LYPLA1: variants seen among roughly 807,000 people sequenced by gnomAD.
LYPLA1 encodes the protein lysophospholipase 1.
In LYPLA1, 17 loss-of-function variants were observed where a neutral mutation model predicts 34.0. That is an observed-to-expected ratio of 0.50 (90% confidence interval 0.34 to 0.75). The LOEUF (loss-of-function observed/expected upper bound fraction) is 0.75. LYPLA1 is among the 30% of genes least tolerant of loss of function. LYPLA1 has a pLI of 0.01. For missense variants in LYPLA1, 203 were observed against 288.8 expected, an observed-to-expected ratio of 0.70 and a Z score of 2.15; for synonymous variants, 98 against 100.8, an observed-to-expected ratio of 0.97 and a Z score of 0.17.
chr8:54,085,751 C>T (rs1022784450), intron 2 of LYPLA1, among the ~76,000 whole-genome samples: 1 of 141,012 alleles, frequency 7.1e-6, no homozygotes, highest in African/African-American at 2.6e-5. Flanking sequence ...GCCAGCCGCC[C>T]CGTCAGTTAG....
chr8:54,074,619 T>C (rs1426310608), intron 2 of LYPLA1, among the ~76,000 whole-genome samples: 6 of 152,346 alleles, frequency 3.9e-5, no homozygotes, highest in Middle Eastern at 3.4e-3. Flanking sequence ...ATTTAACCCA[T>C]GTTAATGCCT....
chr8:54,062,489 C>CTATTTATT (rs200422693), intron 4 of LYPLA1, among the ~76,000 whole-genome samples, 165 bp from the exon 5 acceptor site: 20,425 of 148,900 alleles, frequency 0.14, 1,834 homozygotes, highest in East Asian at 0.45. Flanking sequence ...CGAAGTCTCA[C>CTATTTATT]TATTTATTTA....
intron 2 of LYPLA1, among the ~76,000 whole-genome samples, chr8:54,083,613 G>A (rs1360158483): frequency 1.3e-5 from 2 of 152,178 alleles, no homozygotes; most frequent in African/African-American, 4.8e-5. Flanking sequence ...ACTCTAGGAT[G>A]AAAATTAACT....
chr8:54,064,829 A>AG (rs1463521972), intron 3 of LYPLA1, among the ~76,000 whole-genome samples: 1 of 152,204 alleles, frequency 6.6e-6, no homozygotes, highest in Admixed American at 6.5e-5. Context: ...CACTAACAAT[A>AG]GCTGATGAGG....
At chr8:54,070,679 C>T (rs2129340171) in intron 2 of LYPLA1, among the ~76,000 whole-genome samples, 1 of 152,238 alleles carries the variant, frequency 6.6e-6, no homozygotes, top group East Asian at 1.9e-4. Flanking sequence ...GCTGAGATCA[C>T]ACCACTGTAC....
intron 2 of LYPLA1, among the ~76,000 whole-genome samples, chr8:54,076,623 C>T (rs570367295): frequency 2.6e-5 from 4 of 152,270 alleles, no homozygotes; most frequent in Non-Finnish European, 4.4e-5. Context: ...CTAATGCTCA[C>T]GCTGGAAGGT....
chr8:54,077,457 T>C (rs962065161), intron 2 of LYPLA1, among the ~76,000 whole-genome samples: 6 of 152,182 alleles, frequency 3.9e-5, no homozygotes, highest in Non-Finnish European at 8.8e-5. Flanking sequence ...GCAGTTTACC[T>C]TGCAGATGTA....
At chr8:54,069,006 T>C (rs570258126) in intron 2 of LYPLA1, among the ~76,000 whole-genome samples, 2 of 152,196 alleles carry the variant, frequency 1.3e-5, no homozygotes, top group East Asian at 3.9e-4. Context: ...GCAAAAGACT[T>C]GATGAGATGT....
intron 2 of LYPLA1, 73 bp from the exon 3 acceptor site, chr8:54,065,886 G>A (rs1472643284): frequency 1.0e-6 from 1 of 958,646 alleles, no homozygotes; most frequent in African/African-American, 1.6e-5. Flanking sequence ...CAGAAGAGTA[G>A]CTTTAAAAAA....
chr8:54,045,497 A>G (rs905896772), downstream of LYPLA1: 7 of 152,254 alleles, frequency 4.6e-5, no homozygotes, highest in South Asian at 1.2e-3. Context: ...TGTGAAAGAT[A>G]AACATTTTAT....
chr8:54,053,459 A>C (rs757633553), intron 6 of LYPLA1: 3 of 366,746 alleles, frequency 8.2e-6, no homozygotes, highest in Non-Finnish European at 1.6e-5. Context: ...AGACACCTTC[A>C]GAGTATCTGC....
chr8:54,068,986 TA>T (rs1807276702), intron 2 of LYPLA1, among the ~76,000 whole-genome samples: 1 of 151,812 alleles, frequency 6.6e-6, no homozygotes, highest in Non-Finnish European at 1.5e-5. Context: ...ACAACCCAAT[TA>T]AAAAATATGC....
At chr8:54,084,133 A>AAAAAT in intron 2 of LYPLA1, among the ~76,000 whole-genome samples, 1 of 120,448 alleles carries the variant, frequency 8.3e-6, no homozygotes, top group East Asian at 2.3e-4. Flanking sequence ...AGAAAAAAAA[A>AAAAAT]ATAAATAAAT....
chr8:54,043,591 A>T (rs184333302), downstream of LYPLA1, among the ~76,000 whole-genome samples: 2 of 150,896 alleles, frequency 1.3e-5, no homozygotes, highest in African/African-American at 4.9e-5. Flanking sequence ...TTTTTTAGGC[A>T]AAGTTTACTT....
At chr8:54,091,554 G>A (rs1289653548) in intron 2 of LYPLA1, among the ~76,000 whole-genome samples, 5 of 116,322 alleles carry the variant, frequency 4.3e-5, no homozygotes, top group African/African-American at 1.9e-4. Context: ...AAGAAAAGAA[G>A]AAAGGAAGGA....
intron 2 of LYPLA1, among the ~76,000 whole-genome samples, chr8:54,087,381 C>A (rs1251100966): frequency 1.3e-5 from 2 of 152,056 alleles, no homozygotes; most frequent in Non-Finnish European, 2.9e-5. Context: ...GCCTGTAATC[C>A]CAGCTACCCG....
Position 54,101,947 on chromosome 8 carries a change from C to A in LYPLA1, c.-124G>T. ...GCACGCTCAGGCGCGTGCGCGCCAA[C>A]GCGGCCCCGCGCTACCTTCCGCGCG... On this transcript the variant is annotated 5_prime_UTR_variant, in exon 1 of 9. Transcript: ENST00000316963. 4 of 322,700 alleles carry A rather than the reference C, an allele frequency of 1.2e-5. No homozygotes were observed. The highest frequency in any genetic ancestry group is 1.9e-5 in the Non-Finnish European group (4 of 213,812). 20.0% of individuals were successfully genotyped at this position (322,700 alleles called of 1,614,324 possible).
intron 1 of LYPLA1, 153 bp downstream of exon 1, chr8:54,101,601 AC>A (rs1213652380): frequency 2.4e-5 from 27 of 1,148,410 alleles, no homozygotes; most frequent in Non-Finnish European, 2.6e-5. Context: ...CCCCCCGCGG[AC>A]CCGGCCGCGC....
rs1807019389 is a variant in LYPLA1 at position 54,065,778 on chromosome 8, C to T, written c.137G>A (p.Ser46Asn). Residue 46 changes from serine (S) to asparagine (N), a missense_variant, in exon 3 of 9, where the codon AGT becomes AAT. This residue lies in a region of LYPLA1 where 75 missense variants were observed against 73.5 expected (regional missense o/e 1.02). Transcript: ENST00000316963. ...CGGGCAGATATATTTGATATGTGAA[C>T]TTCTGATACCTGCAAAGGCTTCTGC... ...GWAEAFAGIR[S>N]SHIKYICPHA... The T allele has an allele frequency of 1.2e-6, 2 of 1,613,912 alleles. No individual in the cohort carries two copies. The highest frequency in any genetic ancestry group is 1.3e-5 in the African/African-American group (1 of 75,008).
Sources: allele counts gnomAD v4.1 joint callset (sites outside exome capture counted in the v4.1 genomes callset), GRCh38; gene constraint gnomAD v4.1.1; regional missense constraint gnomAD v4.1.1; transcripts MANE v1.5; gene names NCBI Gene and HGNC (gene_info 2026-07-23, HGNC 2026-07-21).